GABRR1: variants seen among roughly 807,000 people sequenced by gnomAD.
The protein encoded by GABRR1 is gamma-aminobutyric acid type A receptor subunit rho1, also known as gamma-aminobutyric acid receptor subunit rho-1.
A neutral mutation model predicts 55.5 loss-of-function variants in GABRR1; 59 were observed. The observed-to-expected ratio is 1.06, with a 90% CI of 0.86 to 1.32. The LOEUF (loss-of-function observed/expected upper bound fraction) is 1.32, where lower values mean the gene tolerates loss of function less well. GABRR1 is among the 40% of genes most tolerant of loss of function. The pLI is 0.00. For missense variants in GABRR1, 602 were observed against 619.1 expected, an observed-to-expected ratio of 0.97 and a Z score of 0.29; for synonymous variants, 213 against 226.0, an observed-to-expected ratio of 0.94 and a Z score of 0.51.
At chr6:89,185,700 G>A (rs1295940860) in intron 6 of GABRR1, among the ~76,000 whole-genome samples, 1 of 152,148 alleles carries the variant, frequency 6.6e-6, no homozygotes, top group Non-Finnish European at 1.5e-5. Flanking sequence ...CTGCAAAAGG[G>A]TTCACCCTAC....
chr6:89,220,337 C>T (rs1206578605), upstream of GABRR1, among the ~76,000 whole-genome samples: 3 of 152,210 alleles, frequency 2.0e-5, no homozygotes, highest in South Asian at 2.1e-4. Context: ...GCAGGACAGG[C>T]GGTACCAGCT....
intron 1 of GABRR1, among the ~76,000 whole-genome samples, chr6:89,211,199 G>GTT (rs1772824552): frequency 1.3e-5 from 2 of 152,108 alleles, no homozygotes; most frequent in Non-Finnish European, 2.9e-5. Flanking sequence ...ACTAACTTAA[G>GTT]AGAAAATCAA....
intron 1 of GABRR1, among the ~76,000 whole-genome samples, chr6:89,222,602 T>A (rs112347493): frequency 0.017 from 2,649 of 152,344 alleles, 43 homozygotes; most frequent in Middle Eastern, 0.031. Context: ...TGAGGTTTTT[T>A]AATGCCCATC....
chr6:89,208,758 A>G (rs541722315), intron 1 of GABRR1, among the ~76,000 whole-genome samples: 31 of 152,238 alleles, frequency 2.0e-4, no homozygotes, highest in Non-Finnish European at 4.1e-4. Context: ...AGACAGAGAA[A>G]GGCATAAGGA....
intron 5 of GABRR1, among the ~76,000 whole-genome samples, chr6:89,192,071 T>C (rs1232688867): frequency 1.3e-5 from 2 of 151,056 alleles, no homozygotes; most frequent in Admixed American, 1.3e-4. Context: ...AAAGTTGGCA[T>C]TTGAGTGGTC....
At chr6:89,197,365 TCATCTCCA>T (rs1408527287) in intron 5 of GABRR1, among the ~76,000 whole-genome samples, 1 of 152,202 alleles carries the variant, frequency 6.6e-6, no homozygotes, top group Non-Finnish European at 1.5e-5. Context: ...GGCCTGCTGC[TCATCTCCA>T]TGTGCCTTGA....
intron 7 of GABRR1, 62 bp downstream of exon 7, chr6:89,185,248 G>C: frequency 1.3e-6 from 2 of 1,599,836 alleles, no homozygotes; most frequent in Non-Finnish European, 1.7e-6. Flanking sequence ...CTATAATAGA[G>C]GGTGAACCTT....
intron 1 of GABRR1, among the ~76,000 whole-genome samples, chr6:89,230,864 C>T (rs1004917665): frequency 4.8e-4 from 72 of 149,898 alleles, no homozygotes; most frequent in African/African-American, 1.5e-3. Context: ...CCCCCAGCCT[C>T]GCTGCCGCCT....
intron 3 of GABRR1, among the ~76,000 whole-genome samples, chr6:89,200,018 T>C (rs1312343253): frequency 6.6e-6 from 1 of 152,092 alleles, no homozygotes; most frequent in Non-Finnish European, 1.5e-5. Context: ...TAAGGAAGTA[T>C]AATGAAGGGA....
intron 7 of GABRR1, among the ~76,000 whole-genome samples, chr6:89,184,081 A>G (rs1771816012): frequency 6.6e-6 from 1 of 152,010 alleles, no homozygotes; most frequent in African/African-American, 2.4e-5. Context: ...CTCTACTAAA[A>G]ATACAAAAAT....
At position 89,198,179 on chromosome 6, in the gene GABRR1, G is replaced by A. The variant is rs773891156; in HGVS notation, c.413C>T (p.Thr138Ile). The change falls in exon 5 of 10, where the codon ACC (threonine) becomes ATC (isoleucine). Residue 138 changes from threonine to isoleucine, a missense_variant. By Grantham distance (89) the Thr-to-Ile change is moderately conservative. This residue lies in a region of GABRR1 where 435 missense variants were observed against 424.2 expected (regional missense o/e 1.03). Transcript: ENST00000454853. ...GTCAAACGTCATGCTGAGGTTGTTG[G>A]TGCTTGGAAAAGACAGCCTCTCGTC... Reference protein sequence around the residue: ...WKDERLSFPSTNNLSMTFDGR... With the variant: ...WKDERLSFPSINNLSMTFDGR... The A allele has an allele frequency of 1.6e-5, 26 of 1,613,986 alleles. No individual in the cohort carries two copies. Among genetic ancestry groups the A allele is most frequent in the East Asian group, 4.5e-5 (2 of 44,892 alleles).
chr6:89,196,185 T>C (rs1001061931), intron 5 of GABRR1, among the ~76,000 whole-genome samples: 1 of 152,194 alleles, frequency 6.6e-6, no homozygotes, highest in Non-Finnish European at 1.5e-5. Context: ...TTGTTGATGA[T>C]AGAATTATAA....
intron 6 of GABRR1, among the ~76,000 whole-genome samples, chr6:89,189,428 G>A (rs1382654997): frequency 4.4e-5 from 6 of 137,668 alleles, no homozygotes; most frequent in East Asian, 2.2e-4. Flanking sequence ...ACCAAACACC[G>A]CATATTCTCA....
At chr6:89,199,195 T>C (rs1349887377) in intron 4 of GABRR1, among the ~76,000 whole-genome samples, 167 bp downstream of exon 4, 1 of 152,130 alleles carries the variant, frequency 6.6e-6, no homozygotes, top group African/African-American at 2.4e-5. Flanking sequence ...TTCATACCAA[T>C]TGGGTGGCTT....
At chr6:89,185,265 C>A (rs199721107) in intron 7 of GABRR1, 45 bp downstream of exon 7, 3 of 1,612,700 alleles carry the variant, frequency 1.9e-6, no homozygotes, top group Non-Finnish European at 2.5e-6. Context: ...CCTTGGAGAC[C>A]AAGCTGAAGC....
chr6:89,180,138 A>T (rs1350575264), intron 9 of GABRR1, among the ~76,000 whole-genome samples, 154 bp downstream of exon 9: 1 of 152,158 alleles, frequency 6.6e-6, no homozygotes, highest in East Asian at 1.9e-4. Flanking sequence ...CTTGAAATAC[A>T]CCAATTTGTT....
intron 1 of GABRR1, among the ~76,000 whole-genome samples, chr6:89,209,064 G>A (rs1177405115): frequency 6.6e-6 from 1 of 152,080 alleles, no homozygotes; most frequent in African/African-American, 2.4e-5. Flanking sequence ...CTACTGCCTT[G>A]CCACAGAGTA....
upstream of GABRR1, among the ~76,000 whole-genome samples, chr6:89,218,994 G>C (rs1231406652): frequency 1.6e-5 from 1 of 63,404 alleles, no homozygotes; most frequent in Non-Finnish European, 3.6e-5. Flanking sequence ...GGCGGGGCAC[G>C]GTGGCTCACG....
chr6:89,188,276 G>C (rs1285775224), intron 6 of GABRR1, among the ~76,000 whole-genome samples: 1 of 152,042 alleles, frequency 6.6e-6, no homozygotes, highest in South Asian at 2.1e-4. Context: ...CTCTTACCCC[G>C]GCCACCCACA....
Sources: gnomAD v4.1 joint callset for allele counts (sites outside exome capture counted in the v4.1 genomes callset) on GRCh38, gnomAD v4.1.1 for gene constraint, gnomAD v4.1.1 regional missense constraint, MANE v1.5 for transcripts, NCBI Gene and HGNC (gene_info 2026-07-23, HGNC 2026-07-21) for gene names.